MGRN1: variants seen among roughly 807,000 people sequenced by gnomAD.
MGRN1 encodes mahogunin ring finger 1, also known as E3 ubiquitin-protein ligase MGRN1.
MGRN1 carries 29 observed loss-of-function variants against 69.2 expected under a neutral mutation model. The ratio of observed to expected loss-of-function variants is 0.42; its 90% CI spans 0.31 to 0.57. MGRN1 has a LOEUF of 0.57. MGRN1 is among the 20% of genes least tolerant of loss of function. MGRN1 has a pLI of 0.15. For synonymous variants in MGRN1, 470 were observed against 344.2 expected, an observed-to-expected ratio of 1.37 and a Z score of -4.04; for missense variants, 998 against 796.2, an observed-to-expected ratio of 1.25 and a Z score of -3.05.
At chr16:4,668,426 C>A in intron 8 of MGRN1, 114 bp downstream of exon 8, 1 of 1,052,700 alleles carries the variant, frequency 9.5e-7, no homozygotes, top group Non-Finnish European at 1.4e-6. Flanking sequence ...TATACTCATA[C>A]ACGCTCATAC....
At chr16:4,626,648 C>T (rs889818585) in intron 1 of MGRN1, among the ~76,000 whole-genome samples, 55 of 152,228 alleles carry the variant, frequency 3.6e-4, no homozygotes, top group African/African-American at 1.2e-3. Flanking sequence ...AGTGGCACTT[C>T]CTGTCACCTG....
At chr16:4,686,911 C>A (rs895845124) in intron 16 of MGRN1, 13 of 985,446 alleles carry the variant, frequency 1.3e-5, no homozygotes, top group African/African-American at 1.7e-5. Flanking sequence ...AGCTCAGTCC[C>A]TGTCTCTTGG....
At chr16:4,643,840 G>C (rs1182885576) in intron 1 of MGRN1, among the ~76,000 whole-genome samples, 1 of 152,004 alleles carries the variant, frequency 6.6e-6, no homozygotes, top group Admixed American at 6.6e-5. Flanking sequence ...TCAATAACAA[G>C]AAGAAATACG....
rs577424986 is a variant in MGRN1, at chr16:4,681,690, C to G, written c.1272C>G (p.Ser424=). Residue 424 remains serine, a synonymous_variant, in exon 13 of 17, where the codon TCC becomes TCG. Transcript: ENST00000262370. The part of the protein sequence containing the change: ...ITYSGISDGL[S]QASCPLAAID... ...ATTCAGGCATCTCGGACGGCCTGTC[C>G]CAGGCCAGCTGTCCCCTCGCGGCTA... 6.2e-7 allele frequency: 1 copy of G among 1,613,442 alleles called. No individual in the cohort carries two copies. The highest frequency in any genetic ancestry group is 2.2e-5 in the East Asian group (1 of 44,880).
intron 13 of MGRN1, among the ~76,000 whole-genome samples, chr16:4,682,106 G>T (rs2141977748): frequency 6.6e-6 from 1 of 152,318 alleles, no homozygotes; most frequent in South Asian, 2.1e-4. Context: ...TGAGCCTCTG[G>T]GTTCCCAGAC....
chr16:4,643,992 A>C (rs1037637431), intron 1 of MGRN1, among the ~76,000 whole-genome samples: 8 of 151,314 alleles, frequency 5.3e-5, no homozygotes, highest in African/African-American at 1.7e-4. Flanking sequence ...GTTTTTTTTG[A>C]GATGGAGTCT....
In MGRN1 at chr16:4,681,665, A is replaced by G; in HGVS notation, c.1247A>G (p.Tyr416Cys). 1 of 1,613,396 alleles carries G rather than the reference A, an allele frequency of 6.2e-7. No homozygotes were observed. Among genetic ancestry groups the G allele is most frequent in the Non-Finnish European group, 8.5e-7 (1 of 1,179,984 alleles). The change falls in exon 13 of 17, where the codon TAT (tyrosine) becomes TGT (cysteine). Residue 416 changes from tyrosine to cysteine, a missense_variant. Physicochemically the swap from Tyr to Cys is radical, Grantham distance 194 (BLOSUM62 -2). Transcript: ENST00000262370. Reference sequence around the variant, plus strand: ...GCCCCTCTTTATGAAGAAATCACCTATTCAGGCATCTCGGACGGCCTGTCC... The same window carrying G: ...GCCCCTCTTTATGAAGAAATCACCTGTTCAGGCATCTCGGACGGCCTGTCC... Reference protein sequence around the residue: ...PSAPLYEEITYSGISDGLSQA... With the variant: ...PSAPLYEEITCSGISDGLSQA...
chr16:4,652,067 C>T lies in MGRN1; in HGVS notation c.296+16C>T, dbSNP rs1280080172. 2.5e-6 allele frequency: 4 copies of T among 1,611,520 alleles called. No homozygotes were observed. The highest frequency in any genetic ancestry group is 4.5e-5 in the East Asian group (2 of 44,846). On this transcript the variant is annotated intron_variant, in intron 3 of 16. Transcript: ENST00000262370. ...GGCTGGTGAGGTAACTTCACCCTGC[C>T]CCTGGGGACCCTGTGGCTCTGTGGG...
At position 4,671,884 on chromosome 16, in the gene MGRN1, T is replaced by C. The variant is rs74249154; in HGVS notation, c.795+425T>C. On this transcript the variant is annotated intron_variant, in intron 9 of 16. Transcript: ENST00000262370. ...GCCGTGGTGTACCCCAGTCAGGGAATGTAGCAGGGGATGAAATTAGTTTTT... is the reference window on the plus strand; with the variant it reads ...GCCGTGGTGTACCCCAGTCAGGGAACGTAGCAGGGGATGAAATTAGTTTTT... Among the ~76,000 whole-genome samples the C allele has an allele frequency of 1.3e-3, 192 of 152,322 alleles. 1 individual carries two copies. The East Asian group carries it at 0.029, about 23-fold the overall frequency.
chr16:4,674,545 C>G (rs1470380092), intron 10 of MGRN1, among the ~76,000 whole-genome samples: 1 of 150,200 alleles, frequency 6.7e-6, no homozygotes, highest in Non-Finnish European at 1.5e-5. Flanking sequence ...CCTGGGCCTC[C>G]CAAAGTGCTG....
intron 5 of MGRN1, 100 bp from the exon 6 acceptor site, chr16:4,664,609 C>A: frequency 7.9e-7 from 1 of 1,261,982 alleles, no homozygotes; most frequent in South Asian, 1.2e-5. Context: ...GCTGCTGCCT[C>A]CTGCTCCTGC....
chr16:4,650,195 C>A (rs529983794), intron 1 of MGRN1, 170 bp from the exon 2 acceptor site: 3 of 532,142 alleles, frequency 5.6e-6, no homozygotes, highest in Non-Finnish European at 1.0e-5. Flanking sequence ...CCCAGCTACT[C>A]GGGAGGCTGA....
At chr16:4,627,548 G>A (rs148542202) in intron 1 of MGRN1, among the ~76,000 whole-genome samples, 4,103 of 152,330 alleles carry the variant, frequency 0.027, 77 homozygotes, top group Non-Finnish European at 0.034. Flanking sequence ...ATCACTTTGG[G>A]AGGCCAAGGC....
rs533630258 is a variant in MGRN1, at chr16:4,652,964, A to G, written c.443+140A>G. ...ACTCCCAGGACTTTACCACGATGTG[A>G]GGGGTTTCTCCCACCCCAGGGACTC... On this transcript the variant is annotated intron_variant, in intron 4 of 16. Transcript: ENST00000262370. 2.9e-5 allele frequency: 34 copies of G among 1,184,582 alleles called. No homozygotes were observed. The East Asian group carries it at 8.6e-4, about 30-fold the overall frequency. 73.4% of individuals were successfully genotyped at this position (1,184,582 alleles called of 1,614,324 possible). A position where few individuals can be genotyped will look rare whatever the true frequency, so the allele number is the denominator to read the frequency against.
At chr16:4,629,150 A>ATATTTGTGTGTGTGTGTG (rs1555445266) in intron 1 of MGRN1, among the ~76,000 whole-genome samples, 37 of 127,602 alleles carry the variant, frequency 2.9e-4, no homozygotes, top group African/African-American at 1.1e-3. Flanking sequence ...TTCTGTTCGT[A>ATATTTGTGTGTGTGTGTG]TGTGTGTGTG....
intron 1 of MGRN1, among the ~76,000 whole-genome samples, chr16:4,643,384 C>CT (rs564845878): frequency 1.0e-3 from 155 of 150,764 alleles, no homozygotes; most frequent in African/African-American, 3.4e-3. Context: ...GCGTGAGCTA[C>CT]TGTACCCGGC....
intron 12 of MGRN1, chr16:4,680,433 C>T (rs1447534870): frequency 2.7e-5 from 8 of 293,014 alleles, no homozygotes; most frequent in Middle Eastern, 1.1e-3. Context: ...TTTGCAATCG[C>T]GCCCCGCGCA....
At chr16:4,658,903 G>A (rs1258608089) in intron 5 of MGRN1, 1 of 152,012 alleles carries the variant, frequency 6.6e-6, no homozygotes, top group Non-Finnish European at 1.5e-5. Flanking sequence ...AGGCTGAGGT[G>A]GGAAGATCGC....
At chr16:4,666,512 G>A (rs2078809445) in intron 7 of MGRN1, among the ~76,000 whole-genome samples, 1 of 152,194 alleles carries the variant, frequency 6.6e-6, no homozygotes, top group Admixed American at 6.5e-5. Flanking sequence ...ATTCTGTAGA[G>A]CCTGCTGCCA....
Sources: allele counts gnomAD v4.1 joint callset (sites outside exome capture counted in the v4.1 genomes callset), GRCh38; gene constraint gnomAD v4.1.1; transcripts MANE v1.5; gene names NCBI Gene and HGNC (gene_info 2026-07-23, HGNC 2026-07-21).